Variants in MBP observed in about 807,000 individuals in gnomAD.
MBP encodes Golli-MBP.
Under a neutral mutation model 35.8 loss-of-function variants are expected in MBP, and 16 were observed. The observed-to-expected ratio is 0.45, with a 90% confidence interval of 0.30 to 0.68. The LOEUF (loss-of-function observed/expected upper bound fraction) is 0.68. Among genes scored for constraint, MBP ranks in the 30% least tolerant of loss-of-function variants. MBP has a pLI of 0.08. For missense variants in MBP, 380 were observed against 404.7 expected (o/e 0.94, Z 0.52); for synonymous variants, 143 against 159.6 (o/e 0.90, Z 0.78).
rs555498688 is a variant in MBP, at chr18:77,042,972, A to G, written c.139+23326T>C. ...GGGAAGAAAGGCGTTCCAAGATATC[A>G]TTTATCAAAATGGCCTTGGATAACT... On this transcript the variant is annotated intron_variant, in intron 3 of 8. Transcript: ENST00000355994. 5.3e-4 allele frequency among the ~76,000 whole-genome samples: 80 copies of G among 152,380 alleles called. 3 individuals are homozygous for G. The South Asian group carries it at 0.016, about 31-fold the overall frequency.
At chr18:77,028,602 G>A (rs1423299263) in intron 3 of MBP, among the ~76,000 whole-genome samples, 2 of 77,728 alleles carry the variant, frequency 2.6e-5, no homozygotes, top group Non-Finnish European at 3.5e-5. Context: ...CGGACGGGGC[G>A]GCTGGCCGGG....
chr18:77,083,129 A>AT (rs988750189), intron 2 of MBP, among the ~76,000 whole-genome samples: 6 of 151,618 alleles, frequency 4.0e-5, no homozygotes, highest in Admixed American at 1.3e-4. Context: ...CCCTGCTAAG[A>AT]TTTTTTTTCC....
intron 1 of MBP, among the ~76,000 whole-genome samples, chr18:77,130,194 T>A (rs1977194170): frequency 6.6e-6 from 1 of 152,138 alleles, no homozygotes; most frequent in Admixed American, 6.5e-5. Context: ...GAAACCTGTG[T>A]GGGACATCTC....
chr18:77,106,821 C>G (rs1048260236), intron 1 of MBP, among the ~76,000 whole-genome samples: 1 of 152,098 alleles, frequency 6.6e-6, no homozygotes, highest in African/African-American at 2.4e-5. Flanking sequence ...ATTTCGGTGT[C>G]CAGTGTGATT....
At chr18:77,116,483 G>C (rs1393703983) in intron 1 of MBP, among the ~76,000 whole-genome samples, 1 of 152,240 alleles carries the variant, frequency 6.6e-6, no homozygotes, top group Non-Finnish European at 1.5e-5. Context: ...GCTCAGGAGA[G>C]CTTGGAGAGC....
In MBP at chr18:76,990,016, G is replaced by C. The variant is rs774993106; in HGVS notation, c.621C>G (p.Pro207=). The C allele has an allele frequency of 1.9e-6, 3 of 1,613,096 alleles. No homozygotes were observed. Among genetic ancestry groups the C allele is most frequent in the Non-Finnish European group, 2.5e-6 (3 of 1,179,976 alleles). The change falls in exon 5 of 9, where the codon CCC becomes CCG. Residue 207 remains proline (P), a synonymous_variant. Transcript: ENST00000355994. The part of the protein sequence containing the change: ...PARTAHYGSL[P]QKSHGRTQDE... ...CTTGGGTCCGGCCGTGTGACTTCTG[G>C]GGCAGGGAGCCGTAGTGAGCAGTTC...
chr18:77,030,419 G>A (rs995212225), intron 3 of MBP, among the ~76,000 whole-genome samples: 1 of 152,162 alleles, frequency 6.6e-6, no homozygotes, highest in Non-Finnish European at 1.5e-5. Context: ...AGGAAGGGAC[G>A]GGAAGCTTTG....
chr18:77,082,053 T>C (rs71360992), intron 2 of MBP, among the ~76,000 whole-genome samples: 14,641 of 148,558 alleles, frequency 0.099, 902 homozygotes, highest in South Asian at 0.14. Context: ...GGGGTTTCAC[T>C]GTGTTAGCCG....
chr18:77,079,236 G>C (rs1194538694), intron 2 of MBP, among the ~76,000 whole-genome samples: 1 of 152,216 alleles, frequency 6.6e-6, no homozygotes, highest in Non-Finnish European at 1.5e-5. Context: ...GCAGCCACCT[G>C]GTACACTAAG....
At position 76,979,917 on chromosome 18, in the gene MBP, G is replaced by C; in HGVS notation, c.*510C>G. The C allele has an allele frequency of 1.4e-6, 1 of 701,908 alleles. No individual in the cohort carries two copies. Among genetic ancestry groups the C allele is most frequent in the Non-Finnish European group, 2.6e-6 (1 of 384,778 alleles). 43.5% of individuals were successfully genotyped at this position (701,908 alleles called of 1,614,324 possible). ...AGCCACTCCTTGACTGTCTAATCCT[G>C]TTAGGAAAAATGAAGTCTACTTTAG... On this transcript the variant is annotated 3_prime_UTR_variant, in exon 9 of 9. Transcript: ENST00000355994.
intron 2 of MBP, among the ~76,000 whole-genome samples, chr18:77,100,462 C>T (rs1055378491): frequency 2.0e-5 from 3 of 152,020 alleles, no homozygotes; most frequent in African/African-American, 7.3e-5. Flanking sequence ...CCCTGGCTCA[C>T]AGGAGGCACT....
intron 3 of MBP, among the ~76,000 whole-genome samples, chr18:77,027,244 A>T (rs968684435): frequency 2.0e-5 from 3 of 152,184 alleles, no homozygotes; most frequent in Non-Finnish European, 2.9e-5. Flanking sequence ...TTCACAAAAG[A>T]ATTTTGGAAT....
intron 2 of MBP, among the ~76,000 whole-genome samples, chr18:77,091,777 CCACACACACAT>C (rs1410319455): frequency 6.6e-6 from 1 of 151,732 alleles, no homozygotes; most frequent in Non-Finnish European, 1.5e-5. Flanking sequence ...CACACACACA[CCACACACACAT>C]CCTCATACAT....
chr18:76,991,418 T>G (rs1969909335), intron 4 of MBP, among the ~76,000 whole-genome samples: 1 of 151,938 alleles, frequency 6.6e-6, no homozygotes, highest in Non-Finnish European at 1.5e-5. Context: ...TGGGGGCAGG[T>G]GACACAGGGG....
chr18:77,035,314 T>G (rs1449309455), intron 3 of MBP, among the ~76,000 whole-genome samples: 1 of 152,264 alleles, frequency 6.6e-6, no homozygotes, highest in African/African-American at 2.4e-5. Context: ...ATATCACCAC[T>G]GTACGCCCTT....
At chr18:77,000,817 G>A (rs62105702) in intron 4 of MBP, among the ~76,000 whole-genome samples, 1 of 152,094 alleles carries the variant, frequency 6.6e-6, no homozygotes, top group Non-Finnish European at 1.5e-5. Context: ...ATGAGTTGCC[G>A]CCCGATGCAT....
chr18:77,041,884 A>T lies in MBP; in HGVS notation c.139+24414T>A, dbSNP rs535835708. On this transcript the variant is annotated intron_variant, in intron 3 of 8. Transcript: ENST00000355994. ...CATGGCACATGTATACATATGTAAC[A>T]AACCTGCACGTTGTGCACATGTACC... is the stretch of plus-strand genomic sequence containing the variant. Among the ~76,000 whole-genome samples, 164 of 152,038 alleles carry T rather than the reference A, an allele frequency of 1.1e-3. 4 individuals are homozygous for T. Among genetic ancestry groups the T allele is most frequent in the Non-Finnish European group, 7.9e-4 (54 of 67,974 alleles).
intron 2 of MBP, among the ~76,000 whole-genome samples, chr18:77,082,012 T>A (rs532377307): frequency 6.7e-6 from 1 of 148,300 alleles, no homozygotes; most frequent in African/African-American, 2.4e-5. Context: ...CCACAACGCC[T>A]GGCTAATTTT....
At chr18:77,063,027 C>T (rs1385588367) in intron 3 of MBP, among the ~76,000 whole-genome samples, 1 of 152,140 alleles carries the variant, frequency 6.6e-6, no homozygotes, top group Non-Finnish European at 1.5e-5. Flanking sequence ...CACGGGACAT[C>T]AGGAATGGTT....
Sources: allele counts gnomAD v4.1 joint callset (sites outside exome capture counted in the v4.1 genomes callset), GRCh38; gene constraint gnomAD v4.1.1; transcripts MANE v1.5; gene names NCBI Gene and HGNC (gene_info 2026-07-23, HGNC 2026-07-21).